IQCJ: variants seen among roughly 807,000 people sequenced by gnomAD.
The protein encoded by IQCJ is IQ motif containing J, also known as IQ domain-containing protein J.
In IQCJ, 9 loss-of-function variants were observed where a neutral mutation model predicts 11.0. The ratio of observed to expected loss-of-function variants is 0.82; its 90% confidence interval spans 0.49 to 1.43. The LOEUF is 1.43. Ranked by LOEUF, IQCJ falls within the 40% of genes most tolerant of loss-of-function variation. IQCJ has a pLI of 0.00. For synonymous variants in IQCJ, 55 were observed against 51.3 expected, an observed-to-expected ratio of 1.07 and a Z score of -0.31; for missense variants, 146 against 133.2, an observed-to-expected ratio of 1.10 and a Z score of -0.47.
intron 1 of IQCJ, among the ~76,000 whole-genome samples, chr3:159,081,579 C>T (rs1236031311): frequency 6.6e-6 from 1 of 152,116 alleles, no homozygotes; most frequent in Non-Finnish European, 1.5e-5. Flanking sequence ...TAGCTACCAA[C>T]TACAAATGAG....
intron 1 of IQCJ, among the ~76,000 whole-genome samples, chr3:159,183,366 T>C (rs1224386652): frequency 6.6e-6 from 1 of 152,204 alleles, no homozygotes; most frequent in Non-Finnish European, 1.5e-5. Flanking sequence ...TTTCCCAGCA[T>C]CTTACCACTA....
chr3:159,073,117 G>A (rs141263346), intron 1 of IQCJ, among the ~76,000 whole-genome samples: 61 of 152,224 alleles, frequency 4.0e-4, no homozygotes, highest in African/African-American at 1.4e-3. Context: ...AACCTCTGGA[G>A]GGAAGATTGC....
In IQCJ at chr3:159,150,020, C is replaced by T. The variant is rs150637229; in HGVS notation, c.9+80579C>T. Among the ~76,000 whole-genome samples, 305 of 152,294 alleles carry T rather than the reference C, an allele frequency of 2.0e-3. 1 individual carries two copies. Among genetic ancestry groups the T allele is most frequent in the African/African-American group, 7.1e-3 (294 of 41,572 alleles). ...TTTGCCTAAAATGCCTAGCACTTCC[C>T]ACCCACCAACACCCTATTTTCCCTG... On this transcript the variant is annotated intron_variant, in intron 1 of 3. Transcript: ENST00000397832.
At chr3:159,118,512 G>T (rs567703331) in intron 1 of IQCJ, among the ~76,000 whole-genome samples, 1 of 152,236 alleles carries the variant, frequency 6.6e-6, no homozygotes, top group South Asian at 2.1e-4. Flanking sequence ...ACCTAAAGAG[G>T]TAAAAGTTAT....
At chr3:159,182,352 A>G (rs192886546) in intron 1 of IQCJ, among the ~76,000 whole-genome samples, 13 of 152,020 alleles carry the variant, frequency 8.6e-5, no homozygotes, top group East Asian at 1.9e-4. Flanking sequence ...TAGGAAATCT[A>G]TCTCATTCAC....
intron 1 of IQCJ, among the ~76,000 whole-genome samples, chr3:159,160,516 TTTTTATTTTATTA>T (rs1341298340): frequency 1.3e-5 from 2 of 151,774 alleles, no homozygotes; most frequent in Non-Finnish European, 2.9e-5. Flanking sequence ...TATTTTTATT[TTTTTATTTTATTA>T]TTTTATTTTA....
chr3:159,199,135 C>A (rs560768904), intron 1 of IQCJ, among the ~76,000 whole-genome samples: 1 of 152,074 alleles, frequency 6.6e-6, no homozygotes, highest in Non-Finnish European at 1.5e-5. Context: ...GGTTTTGATA[C>A]CTTAATCTTC....
At chr3:159,090,367 C>T (rs888402640) in intron 1 of IQCJ, among the ~76,000 whole-genome samples, 6 of 151,824 alleles carry the variant, frequency 4.0e-5, no homozygotes, top group Admixed American at 2.0e-4. Flanking sequence ...CCGTCTTCTG[C>T]GTCGCTCACG....
intron 1 of IQCJ, among the ~76,000 whole-genome samples, chr3:159,132,905 A>G (rs779384505): frequency 5.9e-5 from 9 of 151,750 alleles, no homozygotes; most frequent in Non-Finnish European, 1.2e-4. Flanking sequence ...CCCTGGGCTC[A>G]TGCTTGCTTT....
rs904229775 is a variant in IQCJ at position 159,095,059 on chromosome 3, T to A, written c.9+25618T>A. On this transcript the variant is annotated intron_variant, in intron 1 of 3. Coordinates refer to ENST00000397832, the MANE Select transcript of IQCJ (RefSeq NM_001042706.3). ...TTAGTTCTTGGTGCAGCAAGGACAC[T>A]GGTTGCCACATATTTTGAATATCTC... is the stretch of plus-strand genomic sequence containing the variant. Among the ~76,000 whole-genome samples the A allele has an allele frequency of 2.0e-4, 31 of 152,002 alleles. 2 individuals carry two copies. The highest frequency in any genetic ancestry group is 6.3e-4 in the African/African-American group (26 of 41,264).
intron 1 of IQCJ, among the ~76,000 whole-genome samples, chr3:159,081,539 G>C (rs1257758936): frequency 6.6e-6 from 1 of 152,026 alleles, no homozygotes; most frequent in African/African-American, 2.4e-5. Context: ...AAAGTATACT[G>C]TTGCTTTTCT....
At chr3:159,198,025 T>C (rs1724093097) in intron 1 of IQCJ, among the ~76,000 whole-genome samples, 1 of 152,220 alleles carries the variant, frequency 6.6e-6, no homozygotes, top group African/African-American at 2.4e-5. Flanking sequence ...CTCCTCCATG[T>C]ACTCTGATTC....
At chr3:159,137,137 C>T (rs1397421209) in intron 1 of IQCJ, among the ~76,000 whole-genome samples, 1 of 151,984 alleles carries the variant, frequency 6.6e-6, no homozygotes, top group Non-Finnish European at 1.5e-5. Context: ...TGGTGGGCAC[C>T]TGTAATCCCA....
rs144149463 is a variant in IQCJ at position 159,083,842 on chromosome 3, A to G, written c.9+14401A>G. Among the ~76,000 whole-genome samples the G allele has an allele frequency of 5.7e-3, 865 of 152,252 alleles. 6 individuals carry two copies. The highest frequency in any genetic ancestry group is 0.019 in the African/African-American group (784 of 41,566). On this transcript the variant is annotated intron_variant, in intron 1 of 3. Coordinates refer to ENST00000397832, the MANE Select transcript of IQCJ (RefSeq NM_001042706.3). ...TATATTGTATGATTCCATTCATATA[A>G]CATTCTTGGAGTGACAAAATTATAT...
At chr3:159,123,274 A>G (rs1245099220) in intron 1 of IQCJ, among the ~76,000 whole-genome samples, 1 of 152,180 alleles carries the variant, frequency 6.6e-6, no homozygotes, top group South Asian at 2.1e-4. Context: ...CTGCCCTGAG[A>G]TCTGAGTAGT....
intron 1 of IQCJ, among the ~76,000 whole-genome samples, chr3:159,096,392 G>C (rs1717756615): frequency 6.8e-6 from 1 of 146,946 alleles, no homozygotes; most frequent in East Asian, 2.0e-4. Flanking sequence ...TGTCAATTTT[G>C]TCTTTTGTTG....
At chr3:159,094,947 C>T (rs1717622785) in intron 1 of IQCJ, among the ~76,000 whole-genome samples, 1 of 151,840 alleles carries the variant, frequency 6.6e-6, no homozygotes, top group African/African-American at 2.4e-5. Context: ...TAACTGCTGC[C>T]TCATGAGAAC....
intron 3 of IQCJ, among the ~76,000 whole-genome samples, chr3:159,260,722 C>T (rs796378980): frequency 5.3e-5 from 8 of 152,044 alleles, no homozygotes; most frequent in South Asian, 2.1e-4. Context: ...AGCAAGATTT[C>T]GTAATAAAAC....
rs888980364 is a variant in IQCJ at position 159,079,627 on chromosome 3, G to A, written c.9+10186G>A. Among the ~76,000 whole-genome samples the A allele has an allele frequency of 8.5e-5, 13 of 152,132 alleles. No homozygotes were observed. The East Asian group carries it at 2.5e-3, about 29-fold the overall frequency. ...CATTGAAACTTTAAAAAATAAATAT[G>A]TTTTAACGAAAACTCTAAAGCACTG... On this transcript the variant is annotated intron_variant, in intron 1 of 3. Transcript: ENST00000397832.
Sources: gnomAD v4.1 joint callset for allele counts (sites outside exome capture counted in the v4.1 genomes callset) on GRCh38, gnomAD v4.1.1 for gene constraint, MANE v1.5 for transcripts, NCBI Gene and HGNC (gene_info 2026-07-23, HGNC 2026-07-21) for gene names.